The following CFAP47 variants were observed in gnomAD, a reference collection of about 807,000 sequenced individuals.
CFAP47 encodes the protein cilia- and flagella-associated protein 47.
Under a neutral mutation model 148.1 loss-of-function variants are expected in CFAP47, and 29 were observed. The observed-to-expected ratio is 0.20, with a 90% CI of 0.15 to 0.27. The LOEUF (loss-of-function observed/expected upper bound fraction) is 0.27. Among genes scored for constraint, CFAP47 ranks in the 10% least tolerant of loss-of-function variants. CFAP47 has a pLI of 1.00. For synonymous variants in CFAP47, 664 were observed against 577.3 expected (o/e 1.15, Z -2.15); for missense variants, 1,872 against 1,697.5 (o/e 1.10, Z -1.81).
chrX:36,102,326 G>A (rs1290718332), intron 32 of CFAP47, among the ~76,000 whole-genome samples: 1 of 111,413 alleles, frequency 9.0e-6, no homozygotes, highest in Non-Finnish European at 1.9e-5. Context: ...TGGATAAATA[G>A]TAACACTTAT....
At chrX:36,044,274 A>G (rs188385523) in intron 25 of CFAP47, among the ~76,000 whole-genome samples, 1 of 113,077 alleles carries the variant, frequency 8.8e-6, no homozygotes, top group Non-Finnish European at 1.9e-5. Context: ...GCTCCTCATT[A>G]TTTATGCAAA....
chrX:35,943,847 G>A (rs1936047232), intron 3 of CFAP47, among the ~76,000 whole-genome samples: 1 of 110,925 alleles, frequency 9.0e-6, no homozygotes, highest in Non-Finnish European at 1.9e-5. Context: ...CATGGTAGGT[G>A]TATATATTTA....
At chrX:36,107,300 T>C (rs1247709626) in intron 33 of CFAP47, among the ~76,000 whole-genome samples, 1 of 112,335 alleles carries the variant, frequency 8.9e-6, no homozygotes, top group Non-Finnish European at 1.9e-5. Flanking sequence ...TTGCAATTTA[T>C]GTAAAATTAT....
rs183126920 is a variant in CFAP47, at chrX:35,960,840, T to C, written c.1410+4644T>C. ...TTTACATCTTTCTTTCTAATCTGGA[T>C]TCATTTTATTAACTTATTTTCTTAC... On this transcript the variant is annotated intron_variant, in intron 8 of 63. Coordinates refer to ENST00000378653, the MANE Select transcript of CFAP47 (RefSeq NM_001304548.2). Among the ~76,000 whole-genome samples, 210 of 111,545 alleles carry C rather than the reference T, an allele frequency of 1.9e-3. 1 individual carries two copies. Among genetic ancestry groups the C allele is most frequent in the Non-Finnish European group, 3.1e-3 (165 of 53,060 alleles).
intron 57 of CFAP47, among the ~76,000 whole-genome samples, chrX:36,331,970 A>C (rs1307918221): frequency 1.8e-5 from 2 of 112,292 alleles, no homozygotes; most frequent in Admixed American, 9.5e-5. Flanking sequence ...ATAAGCTAAA[A>C]TATGTTCTAA....
intron 49 of CFAP47, among the ~76,000 whole-genome samples, chrX:36,261,935 C>T (rs1468539964): frequency 6.3e-5 from 7 of 110,961 alleles, no homozygotes; most frequent in South Asian, 3.8e-4. Context: ...CCGGACGGGT[C>T]GGCTGGCCGG....
At chrX:36,383,074 A>G (rs1377032192) in intron 63 of CFAP47, among the ~76,000 whole-genome samples, 2 of 111,312 alleles carry the variant, frequency 1.8e-5, no homozygotes, top group African/African-American at 3.3e-5. Context: ...TTAATGTTGT[A>G]TAGCTGTTTG....
intron 48 of CFAP47, among the ~76,000 whole-genome samples, chrX:36,241,898 C>T (rs1320100217): frequency 8.9e-6 from 1 of 111,839 alleles, no homozygotes; most frequent in African/African-American, 3.3e-5. Context: ...TCAAATGGGG[C>T]TCCTCTAAGG....
At chrX:36,044,898 T>C (rs1252596494) in intron 25 of CFAP47, among the ~76,000 whole-genome samples, 1 of 112,480 alleles carries the variant, frequency 8.9e-6, no homozygotes, top group African/African-American at 3.2e-5. Context: ...TCTGTTGGCA[T>C]GTAGAAATGC....
Position 36,160,744 on chromosome X carries a change from C to G in CFAP47, c.6001C>G (p.Pro2001Ala). ...FQEVTVNVKNPFHTAGDFSVI... is the reference protein window; with the variant it reads ...FQEVTVNVKNAFHTAGDFSVI... ...GGAAGTCACTGTAAATGTGAAAAAC[C>G]CCTTCCATACGGCTGGGGACTTCAG... The change falls in exon 39 of 64, where the codon CCC becomes GCC. Residue 2001 changes from proline (P) to alanine (A), a missense_variant. Physicochemically the swap from Pro to Ala is conservative, Grantham distance 27. Transcript: ENST00000378653. The G allele has an allele frequency of 3.4e-6, 1 of 296,323 alleles. No individual in the cohort carries two copies. The highest frequency in any genetic ancestry group is 5.9e-6 in the Non-Finnish European group (1 of 169,608). 24.4% of individuals were successfully genotyped at this position (296,323 alleles called of 1,213,427 possible).
At chrX:36,093,514 T>G (rs1377056776) in intron 30 of CFAP47, among the ~76,000 whole-genome samples, 1 of 111,405 alleles carries the variant, frequency 9.0e-6, no homozygotes, top group African/African-American at 3.2e-5. Context: ...ATCAATGATG[T>G]TAAGTACATT....
At chrX:36,031,165 AT>A (rs1937274469) in intron 22 of CFAP47, 87 bp from the exon 23 acceptor site, 1 of 269,175 alleles carries the variant, frequency 3.7e-6, no homozygotes, top group African/African-American at 2.8e-5. Context: ...TTATTTTCTT[AT>A]TGTTTAGTGT....
chrX:35,941,436 A>G (rs1305431562), intron 3 of CFAP47, 38 bp downstream of exon 3: 2 of 739,027 alleles, frequency 2.7e-6, no homozygotes, highest in Non-Finnish European at 3.9e-6. Flanking sequence ...CACTTTTAGA[A>G]GAGTTGGTAT....
chrX:36,061,264 C>T (rs1285909298), intron 26 of CFAP47, among the ~76,000 whole-genome samples: 2 of 111,729 alleles, frequency 1.8e-5, no homozygotes, highest in African/African-American at 3.3e-5. Context: ...TCCTGTACAG[C>T]GTGCAGAACT....
chrX:35,925,531 C>T lies in CFAP47; in HGVS notation c.250-486C>T, dbSNP rs779966487. 4.5e-5 allele frequency among the ~76,000 whole-genome samples: 5 copies of T among 111,488 alleles called. No homozygotes were observed. The South Asian group carries it at 1.5e-3, about 33-fold the overall frequency. On this transcript the variant is annotated intron_variant, in intron 1 of 63. Transcript: ENST00000378653. The stretch of plus-strand genomic sequence containing the variant: ...TATTAGTACATCATATTGTAGTCAA[C>T]GAATATATACAATTATTTGTCAATT...
chrX:35,985,435 G>A (rs1936701346), intron 15 of CFAP47, among the ~76,000 whole-genome samples: 1 of 111,410 alleles, frequency 9.0e-6, no homozygotes. Context: ...TCCTGGCAAA[G>A]CAGTGGAACA....
At chrX:36,231,628 G>A (rs1555992714) in intron 46 of CFAP47, among the ~76,000 whole-genome samples, 1 of 110,863 alleles carries the variant, frequency 9.0e-6, no homozygotes, top group Non-Finnish European at 1.9e-5. Flanking sequence ...TGACTGCCCT[G>A]GCCAGAACTT....
chrX:35,936,760 T>G (rs909023131), intron 2 of CFAP47, among the ~76,000 whole-genome samples: 7 of 110,997 alleles, frequency 6.3e-5, no homozygotes, highest in African/African-American at 2.3e-4. Context: ...ATTATTTTGA[T>G]CCATTTTATT....
At chrX:36,268,172 GGC>G (rs1940917344) in intron 49 of CFAP47, among the ~76,000 whole-genome samples, 1 of 113,477 alleles carries the variant, frequency 8.8e-6, no homozygotes, top group African/African-American at 3.2e-5. Flanking sequence ...TTGGCCTCCA[GGC>G]CAATTTCTGG....
Sources: gnomAD v4.1 joint callset for allele counts (sites outside exome capture counted in the v4.1 genomes callset) on GRCh38, gnomAD v4.1.1 for gene constraint, MANE v1.5 for transcripts, NCBI Gene and HGNC (gene_info 2026-07-23, HGNC 2026-07-21) for gene names.